The following UBE2O variants were observed in gnomAD, a reference collection of about 807,000 sequenced individuals.
The protein encoded by UBE2O is (E3-independent) E2 ubiquitin-conjugating enzyme.
A neutral mutation model predicts 125.8 loss-of-function variants in UBE2O; 15 were observed. The observed-to-expected ratio is 0.12, with a 90% confidence interval of 0.08 to 0.18. The LOEUF (loss-of-function observed/expected upper bound fraction) is 0.18, where lower values mean the gene tolerates loss of function less well. Among genes scored for constraint, UBE2O ranks in the 10% least tolerant of loss-of-function variants. UBE2O has a pLI of 1.00. For synonymous variants in UBE2O, 708 were observed against 703.2 expected, an observed-to-expected ratio of 1.01 and a Z score of -0.11; for missense variants, 1,280 against 1,723.6, an observed-to-expected ratio of 0.74 and a Z score of 4.56.
At chr17:76,438,760 T>C (rs183427690) in intron 1 of UBE2O, among the ~76,000 whole-genome samples, 98 of 152,336 alleles carry the variant, frequency 6.4e-4, no homozygotes, top group African/African-American at 1.9e-3. Flanking sequence ...CCTCTTGCAC[T>C]GGAACAGATC....
Position 76,399,363 on chromosome 17 carries a change from G to T in UBE2O, c.1628+86C>A. 1 of 1,327,856 alleles carries T rather than the reference G, an allele frequency of 7.5e-7. No individual in the cohort carries two copies. The highest frequency in any genetic ancestry group is 1.1e-6 in the Non-Finnish European group (1 of 944,080). 82.3% of individuals were successfully genotyped at this position (1,327,856 alleles called of 1,614,324 possible). A position where few individuals can be genotyped will look rare whatever the true frequency, so the allele number is the denominator to read the frequency against. On this transcript the variant is annotated intron_variant, in intron 9 of 17. Coordinates refer to ENST00000319380, the MANE Select transcript of UBE2O (RefSeq NM_022066.4). This position sits in a 1 kb window ranked among gnomAD's most constrained non-coding sequence, Gnocchi z 6.9. ...ACAAGGCATGCAGAGGTGTGTGTGCGAGCGCAGGCACGCACACCGAGGGGA... is the reference window on the plus strand; with the variant it reads ...ACAAGGCATGCAGAGGTGTGTGTGCTAGCGCAGGCACGCACACCGAGGGGA...
intron 1 of UBE2O, among the ~76,000 whole-genome samples, chr17:76,439,175 C>T (rs1045191742): frequency 3.3e-5 from 5 of 152,224 alleles, no homozygotes; most frequent in African/African-American, 1.2e-4. Flanking sequence ...CTGCTCACTG[C>T]CTTAACCTCT....
Position 76,396,144 on chromosome 17 carries a change from T to C in UBE2O, c.2793A>G (p.Val931=), listed in dbSNP as rs1222763006. 6.2e-7 allele frequency: 1 copy of C among 1,612,486 alleles called. No individual in the cohort carries two copies. The highest frequency in any genetic ancestry group is 2.2e-5 in the East Asian group (1 of 44,856). Residue 931 remains valine, a synonymous_variant, in exon 14 of 18, where the codon GTA becomes GTG. Coordinates refer to ENST00000319380, the MANE Select transcript of UBE2O (RefSeq NM_022066.4). The surrounding 1 kb of genome is among the most constrained non-coding windows in gnomAD (Gnocchi z 6.7). ...CTGACTCACAGGGTGCAAACTCCAG[T>C]ACGGAGAAGACCTCGCCCTTGGCGC... is the stretch of plus-strand genomic sequence containing the variant. ...FTSAKGEVFS[V]LEFAPSNHSF...
rs2143718212 is a variant in UBE2O, at chr17:76,402,817, C to G, written c.589-118G>C. 3 of 859,228 alleles carry G rather than the reference C, an allele frequency of 3.5e-6. No individual in the cohort carries two copies. The highest frequency in any genetic ancestry group is 5.7e-6 in the Non-Finnish European group (3 of 522,098). 53.2% of individuals were successfully genotyped at this position (859,228 alleles called of 1,614,324 possible). ...GGGGAGGATCTAGACAGCTCACTGA[C>G]TGGACCGGTTGGCTACTAGCCCTAA... On this transcript the variant is annotated intron_variant, in intron 3 of 17. Transcript: ENST00000319380. The surrounding 1 kb of genome is among the most constrained non-coding windows in gnomAD (Gnocchi z 5.4).
chr17:76,411,048 T>C (rs1255314938), intron 1 of UBE2O, among the ~76,000 whole-genome samples: 7 of 67,106 alleles, frequency 1.0e-4, no homozygotes, highest in Non-Finnish European at 2.2e-4. Context: ...GGGGAGGGGG[T>C]GGGTGGGAAG....
In UBE2O at chr17:76,396,589, G is replaced by T. The variant is rs762269152; in HGVS notation, c.2348C>A (p.Ala783Asp). 1.2e-6 allele frequency: 2 copies of T among 1,607,390 alleles called. No homozygotes were observed. The highest frequency in any genetic ancestry group is 3.4e-5 in the Admixed American group (2 of 58,810). Reference sequence around the variant, plus strand: ...CATGGCCACAGCCCCCTGGACGGCAGCTGTGGCTGCCTCTTCACTGATCAC... The same window carrying T: ...CATGGCCACAGCCCCCTGGACGGCATCTGTGGCTGCCTCTTCACTGATCAC... ...GVVISEEAATAAVQGAVAMAA... is the reference protein window; with the variant it reads ...GVVISEEAATDAVQGAVAMAA... The change falls in exon 14 of 18, where the codon GCT becomes GAT. Residue 783 changes from alanine to aspartate, a missense_variant. Transcript: ENST00000319380. The surrounding 1 kb of genome is among the most constrained non-coding windows in gnomAD (Gnocchi z 6.7).
intron 1 of UBE2O, among the ~76,000 whole-genome samples, chr17:76,419,425 A>C (rs2072671749): frequency 6.6e-6 from 1 of 152,190 alleles, no homozygotes; most frequent in South Asian, 2.1e-4. Flanking sequence ...AAATAGAAAA[A>C]ACATTTTAAG....
At chr17:76,449,308 C>T (rs748432889) in intron 1 of UBE2O, among the ~76,000 whole-genome samples, 3 of 152,266 alleles carry the variant, frequency 2.0e-5, no homozygotes, top group Non-Finnish European at 4.4e-5. Context: ...GGCACTGTGG[C>T]TTATGCCTGT....
chr17:76,409,008 G>C (rs1407092156), intron 1 of UBE2O, among the ~76,000 whole-genome samples: 1 of 151,774 alleles, frequency 6.6e-6, no homozygotes, highest in African/African-American at 2.4e-5. Flanking sequence ...TCACTCTCTG[G>C]CCCAGGCTGG....
chr17:76,409,449 T>G (rs1598595905), intron 1 of UBE2O, among the ~76,000 whole-genome samples: 1 of 151,378 alleles, frequency 6.6e-6, no homozygotes, highest in Admixed American at 6.6e-5. Context: ...CAGGTTGGAG[T>G]GCAGTGGCAC....
At position 76,392,090 on chromosome 17, in the gene UBE2O, C is replaced by G; in HGVS notation, c.2970G>C (p.Lys990Asn). ...DRMDLFSALI[K>N]GPTRTPYEDG... ...CCTCGTAGGGGGTTCGAGTGGGGCC[C>G]TTGATGAGAGCTGAGAAGAGGTCCT... Residue 990 changes from lysine to asparagine, a missense_variant, in exon 16 of 18, where the codon AAG becomes AAC. Transcript: ENST00000319380. 1 of 989,576 alleles carries G rather than the reference C, an allele frequency of 1.0e-6. No homozygotes were observed. The highest frequency in any genetic ancestry group is 1.4e-6 in the Non-Finnish European group (1 of 721,870). The allele number at this position is 989,576 out of a possible 1,614,324, so 61.3% of individuals were successfully genotyped here.
In UBE2O at chr17:76,397,781, G is replaced by T. The variant is rs749838228; in HGVS notation, c.2115+18C>A. 1.9e-6 allele frequency: 3 copies of T among 1,613,278 alleles called. No homozygotes were observed. The highest frequency in any genetic ancestry group is 4.5e-5 in the East Asian group (2 of 44,876). ...CCATAGTCACAAGCTCAGCAGGGGG[G>T]TCTTGCCAGAGCCTCACCTGGGGCA... On this transcript the variant is annotated intron_variant, in intron 13 of 17. Coordinates refer to ENST00000319380, the MANE Select transcript of UBE2O (RefSeq NM_022066.4).
intron 1 of UBE2O, among the ~76,000 whole-genome samples, chr17:76,451,427 T>C (rs1463925311): frequency 6.6e-6 from 1 of 152,204 alleles, no homozygotes; most frequent in Non-Finnish European, 1.5e-5. Context: ...TGTGTGTGGA[T>C]TTGTGTCTGT....
chr17:76,414,254 G>A (rs2072562408), intron 1 of UBE2O, among the ~76,000 whole-genome samples: 1 of 152,240 alleles, frequency 6.6e-6, no homozygotes, highest in East Asian at 1.9e-4. Flanking sequence ...GAGAAGCTGT[G>A]CTAAGACTGA....
intron 1 of UBE2O, among the ~76,000 whole-genome samples, chr17:76,419,750 G>C (rs573762747): frequency 6.6e-6 from 1 of 152,210 alleles, no homozygotes; most frequent in Non-Finnish European, 1.5e-5. Flanking sequence ...ACATGGTTTC[G>C]CCACCTTGAA....
intron 1 of UBE2O, among the ~76,000 whole-genome samples, chr17:76,449,813 G>A (rs1337463189): frequency 6.6e-6 from 1 of 152,102 alleles, no homozygotes; most frequent in Non-Finnish European, 1.5e-5. Context: ...CCAGCTACTC[G>A]GGAGGCTGAG....
chr17:76,438,131 CAT>C (rs1031144625), intron 1 of UBE2O, among the ~76,000 whole-genome samples: 23 of 152,286 alleles, frequency 1.5e-4, no homozygotes, highest in African/African-American at 4.6e-4. Flanking sequence ...TAGGTGACCA[CAT>C]GTCTACATCC....
At chr17:76,411,718 C>T (rs183426950) in intron 1 of UBE2O, among the ~76,000 whole-genome samples, 458 of 152,316 alleles carry the variant, frequency 3.0e-3, no homozygotes, top group Non-Finnish European at 5.8e-3. Context: ...CAGGGTCTCA[C>T]TCTGCCACCC....
At chr17:76,433,625 TGGG>T (rs768954821) in intron 1 of UBE2O, among the ~76,000 whole-genome samples, 53 of 149,836 alleles carry the variant, frequency 3.5e-4, no homozygotes, top group Non-Finnish European at 6.2e-4. Flanking sequence ...TTTTAAGAGA[TGGG>T]GTCTCGATCG....
Sources: gnomAD v4.1 joint callset for allele counts (sites outside exome capture counted in the v4.1 genomes callset) on GRCh38, gnomAD v4.1.1 for gene constraint, Gnocchi (gnomAD v3.1) non-coding constraint, MANE v1.5 for transcripts, NCBI Gene and HGNC (gene_info 2026-07-23, HGNC 2026-07-21) for gene names.